Variants in ZC2HC1A observed in about 807,000 individuals in gnomAD.
ZC2HC1A encodes the protein zinc finger C2HC-type containing 1A, also known as zinc finger C2HC domain-containing protein 1A.
ZC2HC1A carries 28 observed loss-of-function variants against 40.7 expected under a neutral mutation model. The observed-to-expected ratio is 0.69, with a 90% CI of 0.51 to 0.94. ZC2HC1A has a LOEUF of 0.94. Among genes scored for constraint, ZC2HC1A ranks in the 40% least tolerant of loss-of-function variants. The pLI, the probability that ZC2HC1A is intolerant of heterozygous loss-of-function variation, is 0.00. For missense variants in ZC2HC1A, 389 were observed against 386.3 expected (o/e 1.01, Z -0.06); for synonymous variants, 129 against 129.2 (o/e 1.00, Z 0.01).
intron 3 of ZC2HC1A, among the ~76,000 whole-genome samples, chr8:78,682,851 T>C (rs1809833131): frequency 6.6e-6 from 1 of 152,098 alleles, no homozygotes; most frequent in Non-Finnish European, 1.5e-5. Flanking sequence ...CTAGATACAA[T>C]AGGGATACAG....
chr8:78,697,682 CTTTTTTTT>C (rs370060109), intron 6 of ZC2HC1A, among the ~76,000 whole-genome samples, 176 bp downstream of exon 6: 2 of 139,674 alleles, frequency 1.4e-5, no homozygotes, highest in Admixed American at 1.4e-4. Context: ...TACTTTTAAC[CTTTTTTTT>C]TTTTTTTTGA....
intron 7 of ZC2HC1A, among the ~76,000 whole-genome samples, chr8:78,713,627 A>T (rs1304742361): frequency 6.6e-6 from 1 of 152,176 alleles, no homozygotes; most frequent in Non-Finnish European, 1.5e-5. Context: ...TGAGCATTTG[A>T]AGAGGTGCAG....
chr8:78,717,644 A>G lies in ZC2HC1A; in HGVS notation c.*151A>G. 1.3e-6 allele frequency: 1 copy of G among 771,992 alleles called. No individual in the cohort carries two copies. The highest frequency in any genetic ancestry group is 2.0e-6 in the Non-Finnish European group (1 of 503,494). The allele number at this position is 771,992 out of a possible 1,614,324, so 47.8% of individuals were successfully genotyped here. A position where few individuals can be genotyped will look rare whatever the true frequency, so the allele number is the denominator to read the frequency against. On this transcript the variant is annotated 3_prime_UTR_variant, in exon 9 of 9. Coordinates refer to ENST00000263849, the MANE Select transcript of ZC2HC1A (RefSeq NM_016010.3). ...TGAAGTGTAATCTTTTGGCTATATAATGTGTGTATGTTTATATGTGTACAT... is the reference window on the plus strand; with the variant it reads ...TGAAGTGTAATCTTTTGGCTATATAGTGTGTGTATGTTTATATGTGTACAT...
chr8:78,686,443 A>C, intron 3 of ZC2HC1A, 24 bp from the exon 4 acceptor site: 1 of 1,310,194 alleles, frequency 7.6e-7, no homozygotes, highest in South Asian at 2.3e-5. Context: ...TTATTTATTT[A>C]TTTATTTATT....
At chr8:78,691,859 T>C (rs986166415) in intron 5 of ZC2HC1A, among the ~76,000 whole-genome samples, 2 of 152,156 alleles carry the variant, frequency 1.3e-5, no homozygotes, top group Admixed American at 1.3e-4. Flanking sequence ...GTACTCTTGA[T>C]GTGTATTGTT....
intron 4 of ZC2HC1A, among the ~76,000 whole-genome samples, chr8:78,687,758 TTACGTAAGA>T (rs1810057389): frequency 6.3e-5 from 4 of 63,014 alleles, no homozygotes; most frequent in Non-Finnish European, 1.0e-4. Context: ...TTATATATAT[TTACGTAAGA>T]CATTATATAT....
chr8:78,709,719 T>TA (rs762270772), intron 7 of ZC2HC1A, among the ~76,000 whole-genome samples: 178 of 130,434 alleles, frequency 1.4e-3, no homozygotes, highest in Admixed American at 1.5e-3. Flanking sequence ...GCTGATGAAC[T>TA]AAAAAAAAAA....
chr8:78,686,680 C>G, intron 4 of ZC2HC1A, 72 bp downstream of exon 4: 1 of 1,351,728 alleles, frequency 7.4e-7, no homozygotes, highest in Non-Finnish European at 9.6e-7. Context: ...TAAATTTTCA[C>G]TTGTTAAGCT....
chr8:78,694,011 T>G (rs2130525402), intron 5 of ZC2HC1A, among the ~76,000 whole-genome samples: 1 of 152,346 alleles, frequency 6.6e-6, no homozygotes, highest in South Asian at 2.1e-4. Flanking sequence ...ATTTCTTGTT[T>G]TTGTCAGGTT....
In ZC2HC1A at chr8:78,718,452, TGTG is replaced by T. The variant is rs1811172108; in HGVS notation, c.*962_*964del. The T allele has an allele frequency of 6.6e-6, 1 of 151,962 alleles. No homozygotes were observed. The highest frequency in any genetic ancestry group is 1.5e-5 in the Non-Finnish European group (1 of 67,814). The allele number at this position is 151,962 out of a possible 1,614,324, so 9.4% of individuals were successfully genotyped here. ...AATCACGTCACCTAATCATAATAGT[TGTG>T]GTAACTAATCATTAGTGCAGAGCAT... On this transcript the variant is annotated 3_prime_UTR_variant, in exon 9 of 9. Coordinates refer to ENST00000263849, the MANE Select transcript of ZC2HC1A (RefSeq NM_016010.3).
Position 78,697,540 on chromosome 8 carries a change from T to C in ZC2HC1A, c.604+34T>C, listed in dbSNP as rs951389788. On this transcript the variant is annotated intron_variant, in intron 6 of 8. Coordinates refer to ENST00000263849, the MANE Select transcript of ZC2HC1A (RefSeq NM_016010.3). ...AGCCGAAAAGCAACTTGATTTGTTT[T>C]TGAAACCATGTTGGCAGAGCAGGAA... The C allele has an allele frequency of 1.9e-6, 3 of 1,538,568 alleles. No homozygotes were observed. The East Asian group carries it at 6.8e-5, about 35-fold the overall frequency.
intron 5 of ZC2HC1A, among the ~76,000 whole-genome samples, chr8:78,695,284 G>A (rs1392496851): frequency 6.6e-6 from 1 of 152,074 alleles, no homozygotes; most frequent in Non-Finnish European, 1.5e-5. Context: ...GAGGGAGAAA[G>A]CAAAACATTT....
intron 1 of ZC2HC1A, among the ~76,000 whole-genome samples, chr8:78,671,882 A>T (rs1336935671): frequency 2.0e-5 from 3 of 152,314 alleles, no homozygotes; most frequent in Non-Finnish European, 2.9e-5. Context: ...AGTAAGAAAG[A>T]TGTCTTCCAT....
At position 78,669,277 on chromosome 8, in the gene ZC2HC1A, C is replaced by T. The variant is rs150584071; in HGVS notation, c.16+3113C>T. Among the ~76,000 whole-genome samples the T allele has an allele frequency of 8.3e-3, 1,258 of 150,674 alleles. 20 individuals carry two copies. Among genetic ancestry groups the T allele is most frequent in the African/African-American group, 0.029 (1,165 of 40,100 alleles). On this transcript the variant is annotated intron_variant, in intron 1 of 8. Coordinates refer to ENST00000263849, the MANE Select transcript of ZC2HC1A (RefSeq NM_016010.3). ...TTAGCTCTATGATTTGGGCAGTTTA[C>T]TTAATCTGAACCCTTATTTTCCCTG... is the stretch of plus-strand genomic sequence containing the variant.
At chr8:78,701,905 T>A (rs1810617730) in intron 7 of ZC2HC1A, among the ~76,000 whole-genome samples, 1 of 151,524 alleles carries the variant, frequency 6.6e-6, no homozygotes, top group African/African-American at 2.4e-5. Flanking sequence ...ATTTTGTTGA[T>A]GTTTATCAAG....
intron 4 of ZC2HC1A, 27 bp from the exon 5 acceptor site, chr8:78,689,195 A>G (rs1810125782): frequency 7.0e-7 from 1 of 1,433,904 alleles, no homozygotes; most frequent in South Asian, 1.7e-5. Flanking sequence ...TATGCTATTA[A>G]TCTGTTTCCG....
intron 3 of ZC2HC1A, among the ~76,000 whole-genome samples, chr8:78,683,533 A>G (rs2130470105): frequency 6.6e-6 from 1 of 152,146 alleles, no homozygotes; most frequent in Admixed American, 6.5e-5. Flanking sequence ...CCAAATCCCT[A>G]CGCTGCACAC....
At chr8:78,698,351 G>A in intron 6 of ZC2HC1A, 63 bp from the exon 7 acceptor site, 1 of 1,307,046 alleles carries the variant, frequency 7.7e-7, no homozygotes. Context: ...TCCTTTGTTA[G>A]ATGCTCTGTT....
At chr8:78,703,459 T>A (rs1379445571) in intron 7 of ZC2HC1A, among the ~76,000 whole-genome samples, 1 of 152,160 alleles carries the variant, frequency 6.6e-6, no homozygotes, top group African/African-American at 2.4e-5. Flanking sequence ...TGAGTGCTCC[T>A]GTGTTGGGTA....
Sources: allele counts gnomAD v4.1 joint callset (sites outside exome capture counted in the v4.1 genomes callset), GRCh38; gene constraint gnomAD v4.1.1; transcripts MANE v1.5; gene names NCBI Gene and HGNC (gene_info 2026-07-23, HGNC 2026-07-21).